ELAVL4: variants seen among roughly 807,000 people sequenced by gnomAD.
The protein encoded by ELAVL4 is ELAV like RNA binding protein 4.
In ELAVL4, 1 loss-of-function variant was observed where a neutral mutation model predicts 35.6. The ratio of observed to expected loss-of-function variants is 0.03; its 90% CI spans 0.01 to 0.13. ELAVL4 has a LOEUF of 0.13. Among genes scored for constraint, ELAVL4 ranks in the 10% least tolerant of loss-of-function variants. ELAVL4 has a pLI of 1.00. For synonymous variants in ELAVL4, 156 were observed against 171.0 expected (o/e 0.91, Z 0.69); for missense variants, 267 against 464.9 (o/e 0.57, Z 3.91).
intron 1 of ELAVL4, among the ~76,000 whole-genome samples, chr1:50,119,249 T>C (rs1668617735): frequency 6.6e-6 from 1 of 151,984 alleles, no homozygotes; most frequent in Non-Finnish European, 1.5e-5. Flanking sequence ...CTGGAAGAAT[T>C]TGGTTGGTTT....
chr1:50,074,049 C>A (rs1014016564), intron 1 of ELAVL4, among the ~76,000 whole-genome samples: 4 of 152,128 alleles, frequency 2.6e-5, no homozygotes, highest in Non-Finnish European at 4.4e-5. Flanking sequence ...GTCCAGAAAA[C>A]ATTATTTTGA....
intron 1 of ELAVL4, among the ~76,000 whole-genome samples, chr1:50,115,930 G>A (rs1667867857): frequency 6.6e-6 from 1 of 152,082 alleles, no homozygotes; most frequent in Non-Finnish European, 1.5e-5. Context: ...ATGAAGTTAG[G>A]GTGAGGGATT....
upstream of ELAVL4, among the ~76,000 whole-genome samples, chr1:50,102,240 G>A (rs560574614): frequency 2.6e-5 from 4 of 151,710 alleles, no homozygotes; most frequent in African/African-American, 9.7e-5. Flanking sequence ...GAGCCGAGAT[G>A]GCGCCACTGC....
chr1:50,198,545 A>G (rs1644203445), intron 6 of ELAVL4, among the ~76,000 whole-genome samples: 1 of 152,200 alleles, frequency 6.6e-6, no homozygotes, highest in African/African-American at 2.4e-5. Flanking sequence ...CCGGCCTTTC[A>G]AATCTCAATC....
chr1:50,109,224 G>T (rs1026855607), intron 1 of ELAVL4, 26 bp downstream of exon 1: 5 of 1,610,544 alleles, frequency 3.1e-6, no homozygotes, highest in Non-Finnish European at 4.2e-6. Context: ...TTTATAATCT[G>T]TTGTTTGTGT....
chr1:50,180,552 T>C (rs1454022982), intron 3 of ELAVL4: 1 of 152,190 alleles, frequency 6.6e-6, no homozygotes, highest in Non-Finnish European at 1.5e-5. Context: ...CTGACCTCTG[T>C]TCTCCAGAAG....
intron 3 of ELAVL4, chr1:50,179,855 G>A (rs773243753): frequency 6.6e-6 from 1 of 152,140 alleles, no homozygotes; most frequent in Non-Finnish European, 1.5e-5. Flanking sequence ...CTGGATTCAG[G>A]GAAGGTTCTG....
chr1:50,105,807 GT>G (rs1461284915), upstream of ELAVL4: 4 of 155,794 alleles, frequency 2.6e-5, no homozygotes, highest in Non-Finnish European at 5.7e-5. Flanking sequence ...TATATTGACT[GT>G]TCCGTGGTGC....
chr1:50,197,053 G>T (rs1557868071), intron 5 of ELAVL4, among the ~76,000 whole-genome samples: 2 of 152,220 alleles, frequency 1.3e-5, no homozygotes, highest in African/African-American at 4.8e-5. Context: ...ATCTGGAACA[G>T]AGACCTTTAT....
At chr1:50,119,404 A>G (rs1668647781) in intron 1 of ELAVL4, among the ~76,000 whole-genome samples, 1 of 152,064 alleles carries the variant, frequency 6.6e-6, no homozygotes, top group South Asian at 2.1e-4. Flanking sequence ...AAAAGAAATG[A>G]TTTACTGATT....
intron 1 of ELAVL4, among the ~76,000 whole-genome samples, chr1:50,081,476 C>G (rs1238441838): frequency 2.0e-5 from 3 of 152,194 alleles, no homozygotes; most frequent in South Asian, 4.1e-4. Flanking sequence ...ATCTGCTGAC[C>G]TATGTTAAAA....
chr1:50,080,342 G>A (rs895658369), intron 1 of ELAVL4, among the ~76,000 whole-genome samples: 5 of 152,072 alleles, frequency 3.3e-5, no homozygotes, highest in African/African-American at 1.2e-4. Flanking sequence ...GCAACTATGA[G>A]TCAATTCCAG....
rs775155383 is a variant in ELAVL4, at chr1:50,127,393, A to G, written c.10-17564A>G. Among the ~76,000 whole-genome samples the G allele has an allele frequency of 1.4e-4, 22 of 152,128 alleles. 1 individual carries two copies. Among genetic ancestry groups the G allele is most frequent in the African/African-American group, 4.6e-4 (19 of 41,446 alleles). On this transcript the variant is annotated intron_variant, in intron 1 of 6. Transcript: ENST00000371824. ...GGAGAGAGAGGAGTTGTCTGAAGCT[A>G]TGTAGGTCAGGGAGGTGGACTCCAG...
At position 50,091,733 on chromosome 1, in the gene ELAVL4, C is replaced by T. The variant is rs568886539; in HGVS notation, c.18+43551C>T. On this transcript the variant is annotated intron_variant, in intron 1 of 6. Transcript: ENST00000448907. ...GCTAATGCTTTCCTTTTCCTGAAAC[C>T]ATGTTGTATTGAAACAACATTTTCT... 6.6e-5 allele frequency among the ~76,000 whole-genome samples: 10 copies of T among 152,280 alleles called. No individual in the cohort carries two copies. The South Asian group carries it at 1.9e-3, about 28-fold the overall frequency.
chr1:50,070,748 A>T (rs1310987600), intron 1 of ELAVL4, among the ~76,000 whole-genome samples: 1 of 151,724 alleles, frequency 6.6e-6, no homozygotes, highest in Admixed American at 6.6e-5. Flanking sequence ...CTCAAAAAAA[A>T]AAAAAAAAAA....
intron 2 of ELAVL4, among the ~76,000 whole-genome samples, chr1:50,152,782 C>T (rs1194312492): frequency 6.6e-6 from 1 of 152,010 alleles, no homozygotes; most frequent in Non-Finnish European, 1.5e-5. Flanking sequence ...TCTACAGTCC[C>T]AAAATTGAGC....
chr1:50,050,810 A>T (rs1162985574), intron 1 of ELAVL4, among the ~76,000 whole-genome samples: 2 of 152,164 alleles, frequency 1.3e-5, no homozygotes, highest in African/African-American at 4.8e-5. Context: ...GTTGCTGAAA[A>T]ATCATAGTGA....
At chr1:50,153,554 A>T (rs560507443) in intron 2 of ELAVL4, among the ~76,000 whole-genome samples, 71 of 152,334 alleles carry the variant, frequency 4.7e-4, no homozygotes, top group Non-Finnish European at 7.8e-4. Context: ...GAAAAAGATG[A>T]CAATAGACTG....
At chr1:50,173,415 A>G (rs1378247573) in intron 2 of ELAVL4, among the ~76,000 whole-genome samples, 1 of 152,228 alleles carries the variant, frequency 6.6e-6, no homozygotes, top group African/African-American at 2.4e-5. Context: ...CATTATGTAT[A>G]GCAGTTTTCT....
Sources: allele counts gnomAD v4.1 joint callset (sites outside exome capture counted in the v4.1 genomes callset), GRCh38; gene constraint gnomAD v4.1.1; transcripts MANE v1.5; gene names NCBI Gene and HGNC (gene_info 2026-07-23, HGNC 2026-07-21).